PRDM10: variants seen among roughly 807,000 people sequenced by gnomAD.
The protein encoded by PRDM10 is PR/SET domain 10.
A neutral mutation model predicts 133.1 loss-of-function variants in PRDM10; 65 were observed. That is an observed-to-expected ratio of 0.49 (90% CI 0.40 to 0.60). The LOEUF (loss-of-function observed/expected upper bound fraction) is 0.60, where lower values mean the gene tolerates loss of function less well. PRDM10 is among the 20% of genes least tolerant of loss of function. The pLI, the probability that PRDM10 is intolerant of heterozygous loss-of-function variation, is 0.00. For missense variants in PRDM10, 1,137 were observed against 1,507.1 expected, an observed-to-expected ratio of 0.75 and a Z score of 4.07; for synonymous variants, 582 against 580.4, an observed-to-expected ratio of 1.00 and a Z score of -0.04.
intron 6 of PRDM10, among the ~76,000 whole-genome samples, chr11:129,943,329 A>G (rs772335463): frequency 1.6e-4 from 24 of 152,258 alleles, no homozygotes; most frequent in Non-Finnish European, 3.2e-4. Flanking sequence ...ACTGGCACAC[A>G]GCAGATTACA....
chr11:129,934,822 A>G (rs1950976293), intron 9 of PRDM10, among the ~76,000 whole-genome samples: 1 of 152,274 alleles, frequency 6.6e-6, no homozygotes, highest in African/African-American at 2.4e-5. Flanking sequence ...GGTATGTCCT[A>G]TCTCAAAAAT....
intron 5 of PRDM10, among the ~76,000 whole-genome samples, chr11:129,946,940 C>T: frequency 6.6e-6 from 1 of 152,140 alleles, no homozygotes; most frequent in Non-Finnish European, 1.5e-5. Context: ...CTTGTTTACT[C>T]ATCAGTAAAT....
At chr11:129,955,403 T>C in intron 4 of PRDM10, 109 bp downstream of exon 4, 1 of 1,023,414 alleles carries the variant, frequency 9.8e-7, no homozygotes, top group Non-Finnish European at 1.4e-6. Context: ...ACATTCTTAG[T>C]ACATGAGAAA....
intron 1 of PRDM10, among the ~76,000 whole-genome samples, chr11:129,994,241 C>T (rs929277268): frequency 8.6e-5 from 13 of 151,856 alleles, no homozygotes; most frequent in African/African-American, 2.2e-4. Flanking sequence ...GAGGCCGAGG[C>T]GGGTGGTCAG....
At chr11:129,909,822 T>C (rs1950130266) in intron 19 of PRDM10, among the ~76,000 whole-genome samples, 1 of 152,216 alleles carries the variant, frequency 6.6e-6, no homozygotes, top group African/African-American at 2.4e-5. Flanking sequence ...TCAACGACTC[T>C]TCTATCTCCC....
intron 1 of PRDM10, among the ~76,000 whole-genome samples, chr11:129,990,868 G>A (rs1396397446): frequency 6.6e-6 from 1 of 152,138 alleles, no homozygotes; most frequent in African/African-American, 2.4e-5. Flanking sequence ...ATTAAAGACA[G>A]TGAGCTCAGA....
intron 1 of PRDM10, among the ~76,000 whole-genome samples, chr11:129,963,312 G>A (rs1375122480): frequency 6.6e-6 from 1 of 151,812 alleles, no homozygotes; most frequent in Admixed American, 6.6e-5. Flanking sequence ...AGAGGCTGAG[G>A]GGGAGGATCC....
intron 1 of PRDM10, among the ~76,000 whole-genome samples, chr11:129,964,637 C>T (rs1482863843): frequency 6.6e-6 from 1 of 152,138 alleles, no homozygotes. Flanking sequence ...ACAGACATTC[C>T]TCATTCTTCA....
At position 129,923,430 on chromosome 11, in the gene PRDM10, C is replaced by G; in HGVS notation, c.1879-27G>C. 1.3e-6 allele frequency: 2 copies of G among 1,587,404 alleles called. No homozygotes were observed. Among genetic ancestry groups the G allele is most frequent in the South Asian group, 2.3e-5 (2 of 87,876 alleles). ...TGGTGATAAGAACCACAGGAAAATTCAGGGGACGCAGGCACCAAATGAAAT... is the reference window on the plus strand; with the variant it reads ...TGGTGATAAGAACCACAGGAAAATTGAGGGGACGCAGGCACCAAATGAAAT... On this transcript the variant is annotated intron_variant, in intron 12 of 20. Coordinates refer to ENST00000360871, the MANE Select transcript of PRDM10 (RefSeq NM_199437.2). The surrounding 1 kb of genome is among the most constrained non-coding windows in gnomAD (Gnocchi z 4.4).
At chr11:129,950,242 A>T (rs1951548003) in intron 4 of PRDM10, among the ~76,000 whole-genome samples, 2 of 152,156 alleles carry the variant, frequency 1.3e-5, no homozygotes, top group East Asian at 3.9e-4. Flanking sequence ...AAATAATAAT[A>T]AAAAAAGAAC....
At chr11:129,914,101 A>G (rs1296850454) in intron 17 of PRDM10, among the ~76,000 whole-genome samples, 1 of 152,112 alleles carries the variant, frequency 6.6e-6, no homozygotes, top group African/African-American at 2.4e-5. Flanking sequence ...TCCCAGGTTC[A>G]AGCAATTCTC....
intron 1 of PRDM10, among the ~76,000 whole-genome samples, chr11:130,000,690 G>A (rs1038866143): frequency 1.3e-5 from 2 of 152,044 alleles, no homozygotes; most frequent in Non-Finnish European, 2.9e-5. Flanking sequence ...GAGCTTACGG[G>A]GTAGAAGGCA....
intron 17 of PRDM10, 165 bp downstream of exon 17, chr11:129,914,539 A>T (rs979918779): frequency 8.6e-6 from 8 of 932,570 alleles, no homozygotes; most frequent in Non-Finnish European, 1.4e-5. Context: ...TGCTAAGGCC[A>T]GAGGCCTCAT....
At chr11:129,913,573 G>A (rs1950260771) in intron 17 of PRDM10, among the ~76,000 whole-genome samples, 1 of 152,152 alleles carries the variant, frequency 6.6e-6, no homozygotes. Context: ...TATGACAGTG[G>A]TTCTTAACCT....
intron 6 of PRDM10, among the ~76,000 whole-genome samples, chr11:129,944,298 T>G (rs1372210157): frequency 6.6e-6 from 1 of 152,064 alleles, no homozygotes; most frequent in African/African-American, 2.4e-5. Flanking sequence ...CTTCAGGCAC[T>G]AAAATTGCAA....
chr11:129,903,807 C>T (rs1949922873), intron 20 of PRDM10, among the ~76,000 whole-genome samples: 1 of 152,076 alleles, frequency 6.6e-6, no homozygotes, highest in Non-Finnish European at 1.5e-5. Context: ...GGGGCTGTTT[C>T]TCAACCTAGG....
chr11:129,948,671 T>C (rs912832262), intron 4 of PRDM10, among the ~76,000 whole-genome samples: 10 of 152,230 alleles, frequency 6.6e-5, no homozygotes, highest in African/African-American at 1.9e-4. Context: ...CTAGAATAAG[T>C]GTAACCCTTC....
chr11:129,981,264 C>T (rs552732122), intron 1 of PRDM10, among the ~76,000 whole-genome samples: 3 of 152,140 alleles, frequency 2.0e-5, no homozygotes, highest in East Asian at 1.9e-4. Context: ...AACAGTGAAT[C>T]GGGGAAAAAT....
intron 1 of PRDM10, among the ~76,000 whole-genome samples, chr11:129,963,481 A>C (rs766409257): frequency 6.7e-6 from 1 of 149,816 alleles, no homozygotes; most frequent in Non-Finnish European, 1.5e-5. Flanking sequence ...CATGTAGGAA[A>C]CTTTTTTTTT....
Sources: allele counts gnomAD v4.1 joint callset (sites outside exome capture counted in the v4.1 genomes callset), GRCh38; gene constraint gnomAD v4.1.1; non-coding constraint Gnocchi (gnomAD v3.1); transcripts MANE v1.5; gene names NCBI Gene and HGNC (gene_info 2026-07-23, HGNC 2026-07-21).